Variants in CORO1B observed in about 807,000 individuals in gnomAD.
CORO1B encodes the protein coronin 1B.
In CORO1B, 30 loss-of-function variants were observed where a neutral mutation model predicts 51.1. The ratio of observed to expected loss-of-function variants is 0.59; its 90% CI spans 0.44 to 0.80. CORO1B has a LOEUF of 0.80. Ranked by LOEUF, CORO1B falls within the 30% of genes least tolerant of loss-of-function variation. The probability of loss-of-function intolerance (pLI) is 0.00; values close to 1 mark genes in which losing one functional copy is unlikely to be tolerated. For missense variants in CORO1B, 648 were observed against 700.4 expected (o/e 0.93, Z 0.84); for synonymous variants, 310 against 289.7 (o/e 1.07, Z -0.71).
intron 1 of CORO1B, 53 bp from the exon 2 acceptor site, chr11:67,442,683 C>T (rs1197068624): frequency 6.4e-7 from 1 of 1,565,892 alleles, no homozygotes; most frequent in Non-Finnish European, 8.7e-7. Flanking sequence ...AACTCCAGCC[C>T]TCCCCAGGCT....
chr11:67,438,298 A>G lies in CORO1B; in HGVS notation c.*78T>C, dbSNP rs1019622632. On this transcript the variant is annotated 3_prime_UTR_variant, in exon 11 of 11. Coordinates refer to ENST00000341356, the MANE Select transcript of CORO1B (RefSeq NM_020441.3). The stretch of plus-strand genomic sequence containing the variant: ...CCTCAGAGGCTCTGGGCAGCCAGCT[A>G]GCCCGGTGCGACCCGCTGGCAGAAG... 13 of 1,528,584 alleles carry G rather than the reference A, an allele frequency of 8.5e-6. No individual in the cohort carries two copies. The African/African-American group carries it at 1.5e-4, about 18-fold the overall frequency. 94.7% of individuals were successfully genotyped at this position (1,528,584 alleles called of 1,614,324 possible).
rs1211451158 is a variant in CORO1B at position 67,435,861 on chromosome 11, C to T, written c.*2515G>A. 1.2e-6 allele frequency: 2 copies of T among 1,610,758 alleles called. No homozygotes were observed. The highest frequency in any genetic ancestry group is 1.7e-5 in the Admixed American group (1 of 59,948). On this transcript the variant is annotated 3_prime_UTR_variant, in exon 11 of 11. Coordinates refer to ENST00000341356, the MANE Select transcript of CORO1B (RefSeq NM_020441.3). Reference sequence around the variant, plus strand: ...GCACTGCCCCCTGCGCTCGCTGGTCCTGGGGAGCCGAGGACCAGGTCGCCC... The same window carrying T: ...GCACTGCCCCCTGCGCTCGCTGGTCTTGGGGAGCCGAGGACCAGGTCGCCC...
chr11:67,439,917 C>T, intron 8 of CORO1B, 74 bp from the exon 9 acceptor site: 2 of 1,482,390 alleles, frequency 1.3e-6, no homozygotes, highest in Non-Finnish European at 1.8e-6. Flanking sequence ...TCCTGGCATC[C>T]TCCACTTCCA....
chr11:67,440,045 C>T (rs1396550478), intron 8 of CORO1B, 73 bp downstream of exon 8: 7 of 1,537,650 alleles, frequency 4.6e-6, no homozygotes, highest in Non-Finnish European at 6.1e-6. Context: ...TTCCTGCTCC[C>T]AAGCAGCCTC....
chr11:67,435,985 C>G lies in CORO1B; in HGVS notation c.*2391G>C, dbSNP rs1339711244. 3.1e-6 allele frequency: 5 copies of G among 1,613,662 alleles called. No individual in the cohort carries two copies. In the African/African-American group the frequency reaches 6.7e-5, roughly 22 times the overall value. ...GCTCGCCTTCCCCAGGGTCAGCCTG[C>G]AGGCCACCATCCGCGACGTGGTCAT... is the stretch of plus-strand genomic sequence containing the variant. On this transcript the variant is annotated 3_prime_UTR_variant, in exon 11 of 11. Transcript: ENST00000341356.
Position 67,440,012 on chromosome 11 carries a change from G to A in CORO1B, c.1007+106C>T, listed in dbSNP as rs1012227031. ...TGCCTCGTGACAGTTCTCATGGCCC[G>A]CCGGGCCTCCCTGGCGCAAGGTTTC... On this transcript the variant is annotated intron_variant, in intron 8 of 10. Transcript: ENST00000341356. 50 of 1,502,264 alleles carry A rather than the reference G, an allele frequency of 3.3e-5. No individual in the cohort carries two copies. In the South Asian group the frequency reaches 4.3e-4, roughly 13 times the overall value. 93.1% of individuals were successfully genotyped at this position (1,502,264 alleles called of 1,614,324 possible).
At position 67,437,670 on chromosome 11, in the gene CORO1B, TCGAGC is replaced by T. The variant is rs753399697; in HGVS notation, c.*701_*705del. The T allele has an allele frequency of 2.3e-5, 31 of 1,351,662 alleles. No individual in the cohort carries two copies. The highest frequency in any genetic ancestry group is 3.0e-5 in the Non-Finnish European group (31 of 1,042,948). 83.7% of individuals were successfully genotyped at this position (1,351,662 alleles called of 1,614,324 possible). ...GCACCCACCTCCAGCTCTGGCTGTGTCGAGCGAGAAGTGAGCTCAGTGCTCGTCTG... is the reference window on the plus strand; with the variant it reads ...GCACCCACCTCCAGCTCTGGCTGTGTGAGAAGTGAGCTCAGTGCTCGTCTG... On this transcript the variant is annotated 3_prime_UTR_variant, in exon 11 of 11. Transcript: ENST00000341356.
intron 4 of CORO1B, 25 bp from the exon 5 acceptor site, chr11:67,441,539 G>T (rs752146035): frequency 6.2e-7 from 1 of 1,602,788 alleles, no homozygotes. Flanking sequence ...TTGTCAGCTC[G>T]GGCCGGGTGG....
At position 67,435,812 on chromosome 11, in the gene CORO1B, T is replaced by A; in HGVS notation, c.*2564A>T. On this transcript the variant is annotated 3_prime_UTR_variant, in exon 11 of 11. Transcript: ENST00000341356. ...CCAGGCTGCGCTGCCAGCAAAGGCG[T>A]GCAGGTCACTCAGCAGGGCCTCAGC... 6.2e-7 allele frequency: 1 copy of A among 1,602,886 alleles called. No individual in the cohort carries two copies. Among genetic ancestry groups the A allele is most frequent in the Non-Finnish European group, 8.5e-7 (1 of 1,175,970 alleles).
intron 2 of CORO1B, 38 bp downstream of exon 2, chr11:67,442,390 G>A: frequency 1.9e-6 from 3 of 1,599,450 alleles, no homozygotes; most frequent in East Asian, 4.5e-5. Context: ...AGGGGTGGCC[G>A]AGGTGCCTCC....
At chr11:67,441,654 T>C (rs1394108743) in intron 4 of CORO1B, 79 bp downstream of exon 4, 1 of 1,369,714 alleles carries the variant, frequency 7.3e-7, no homozygotes, top group Non-Finnish European at 9.7e-7. Context: ...CCATTTGTCA[T>C]GTGGGCCCTG....
intron 1 of CORO1B, 48 bp from the exon 2 acceptor site, chr11:67,442,678 C>T (rs756046038): frequency 6.3e-7 from 1 of 1,575,950 alleles, no homozygotes; most frequent in Admixed American, 1.7e-5. Flanking sequence ...CCAACAACTC[C>T]AGCCCTCCCC....
At chr11:67,440,778 A>G (rs774652309) in intron 6 of CORO1B, 111 of 643,960 alleles carry the variant, frequency 1.7e-4, no homozygotes, top group Middle Eastern at 4.9e-4. Context: ...GCAGAAGCAG[A>G]GAGGGCTGGG....
Position 67,438,947 on chromosome 11 carries a change from C to A in CORO1B, c.1068G>T (p.Ser356=), listed in dbSNP as rs771481040. The stretch of plus-strand genomic sequence containing the variant: ...GGTACAGATCATCCTGGAAGAGGTC[C>A]GACTGGGCAGGGGGCCGGGGAGGTC... ...EPIVMTVPRK[S]DLFQDDLYPD... Residue 356 remains serine, a splice_region_variant and synonymous_variant, in exon 10 of 11, where the codon TCG becomes TCT. Transcript: ENST00000341356. 6.3e-7 allele frequency: 1 copy of A among 1,599,064 alleles called. No homozygotes were observed. Among genetic ancestry groups the A allele is most frequent in the Non-Finnish European group, 8.5e-7 (1 of 1,171,240 alleles).
rs1864340616 is a variant in CORO1B, at chr11:67,438,788, G to GA, written c.1226_1227insT (p.Asn410GlnfsTer5). 2 of 1,599,216 alleles carry GA rather than the reference G, an allele frequency of 1.3e-6. No homozygotes were observed. Among genetic ancestry groups the GA allele is most frequent in the South Asian group, 2.2e-5 (2 of 89,186 alleles). On this transcript the variant is annotated frameshift_variant, in exon 10 of 11. Coordinates refer to ENST00000341356, the MANE Select transcript of CORO1B (RefSeq NM_020441.3). LOFTEE classifies it high-confidence loss of function. ...CGGGCCGGCTGTCAGACAACACGTT[G>GA]CGCCGGCTGATCTTCAGGTCCCGCT...
Sources: allele counts gnomAD v4.1 joint callset, GRCh38; gene constraint gnomAD v4.1.1; transcripts MANE v1.5; gene names NCBI Gene and HGNC (gene_info 2026-07-23, HGNC 2026-07-21).